Variants in WWOX observed in about 807,000 individuals in gnomAD.
The protein encoded by WWOX is WW domain-containing oxidoreductase.
Under a neutral mutation model 46.2 loss-of-function variants are expected in WWOX, and 69 were observed. That is an observed-to-expected ratio of 1.49 (90% CI 1.23 to 1.82). The LOEUF (loss-of-function observed/expected upper bound fraction) is 1.82. WWOX is among the 40% of genes most tolerant of loss of function. The pLI, the probability that WWOX is intolerant of heterozygous loss-of-function variation, is 0.00. For missense variants in WWOX, 919 were observed against 542.6 expected (o/e 1.69, Z -6.89); for synonymous variants, 359 against 202.6 (o/e 1.77, Z -6.56).
intron 8 of WWOX, among the ~76,000 whole-genome samples, chr16:78,813,034 C>T (rs1331219842): frequency 2.0e-5 from 3 of 150,316 alleles, no homozygotes; most frequent in South Asian, 2.1e-4. Flanking sequence ...CATGTAATTT[C>T]TTATTTCCGT....
chr16:78,206,769 C>A (rs372825036), intron 5 of WWOX, among the ~76,000 whole-genome samples: 4 of 152,100 alleles, frequency 2.6e-5, no homozygotes, highest in African/African-American at 9.7e-5. Context: ...TAATTATTAA[C>A]ATATTTTAGA....
At chr16:79,152,226 T>C (rs2050294300) in intron 8 of WWOX, among the ~76,000 whole-genome samples, 1 of 152,138 alleles carries the variant, frequency 6.6e-6, no homozygotes, top group Admixed American at 6.5e-5. Context: ...CGCTGACCCA[T>C]GCTGGCAGAA....
chr16:78,411,713 G>C (rs1284991844), intron 6 of WWOX, among the ~76,000 whole-genome samples: 1 of 152,162 alleles, frequency 6.6e-6, no homozygotes, highest in Non-Finnish European at 1.5e-5. Flanking sequence ...AGTCAAGTGG[G>C]AGAATGTAGA....
At chr16:79,145,986 G>A (rs2050176248) in intron 8 of WWOX, among the ~76,000 whole-genome samples, 1 of 152,000 alleles carries the variant, frequency 6.6e-6, no homozygotes, top group Admixed American at 6.6e-5. Flanking sequence ...GCTAAAAAGG[G>A]GGCAGTCAGC....
chr16:78,216,444 A>G (rs2151793456), intron 5 of WWOX, among the ~76,000 whole-genome samples: 1 of 152,276 alleles, frequency 6.6e-6, no homozygotes, highest in South Asian at 2.1e-4. Flanking sequence ...CAGTTCTGTA[A>G]GATAGAAGTC....
At chr16:78,205,689 A>G (rs114881870) in intron 5 of WWOX, among the ~76,000 whole-genome samples, 2 of 151,234 alleles carry the variant, frequency 1.3e-5, no homozygotes, top group South Asian at 2.1e-4. Flanking sequence ...ATACACATCC[A>G]TCTGTTCATT....
chr16:79,099,872 G>A (rs1401371502), intron 8 of WWOX, among the ~76,000 whole-genome samples: 1 of 152,170 alleles, frequency 6.6e-6, no homozygotes, highest in African/African-American at 2.4e-5. Flanking sequence ...CAGATTTATT[G>A]CAAGGAGTTG....
chr16:78,789,132 G>A (rs2142583947), intron 8 of WWOX, among the ~76,000 whole-genome samples: 1 of 152,096 alleles, frequency 6.6e-6, no homozygotes, highest in Non-Finnish European at 1.5e-5. Flanking sequence ...TTACCTCTGT[G>A]GTGTCACCCC....
At chr16:78,692,811 T>A (rs1214161664) in intron 8 of WWOX, among the ~76,000 whole-genome samples, 1 of 152,238 alleles carries the variant, frequency 6.6e-6, no homozygotes, top group Non-Finnish European at 1.5e-5. Flanking sequence ...TTGAAGTCAT[T>A]GGAAACCAAG....
chr16:78,197,665 C>G (rs936435498), intron 5 of WWOX, among the ~76,000 whole-genome samples: 3 of 152,168 alleles, frequency 2.0e-5, no homozygotes, highest in Non-Finnish European at 4.4e-5. Context: ...TACTTCACGT[C>G]TTTATTGCAT....
At chr16:78,991,854 TG>T (rs1160941463) in intron 8 of WWOX, among the ~76,000 whole-genome samples, 1 of 152,192 alleles carries the variant, frequency 6.6e-6, no homozygotes, top group Non-Finnish European at 1.5e-5. Flanking sequence ...TTCAGACTCC[TG>T]TCCATGTGGG....
At chr16:78,121,072 C>T (rs2033070551) in intron 4 of WWOX, among the ~76,000 whole-genome samples, 2 of 152,096 alleles carry the variant, frequency 1.3e-5, no homozygotes. Context: ...AAAACACACT[C>T]ATATGAGATC....
intron 8 of WWOX, among the ~76,000 whole-genome samples, chr16:78,925,007 C>T (rs2045465748): frequency 6.6e-6 from 1 of 152,028 alleles, no homozygotes; most frequent in African/African-American, 2.4e-5. Context: ...CCAGCCTGGG[C>T]AACATGGCAA....
chr16:78,491,626 C>A (rs1188731528), intron 8 of WWOX, among the ~76,000 whole-genome samples: 4 of 152,088 alleles, frequency 2.6e-5, no homozygotes, highest in African/African-American at 7.2e-5. Flanking sequence ...CCACACCTGG[C>A]TACCGTGTCT....
At chr16:78,877,663 A>C (rs1008044788) in intron 8 of WWOX, among the ~76,000 whole-genome samples, 1 of 152,156 alleles carries the variant, frequency 6.6e-6, no homozygotes, top group African/African-American at 2.4e-5. Context: ...TTATTCTCCT[A>C]TTCTCTAGAA....
chr16:78,841,063 G>A (rs541108801), intron 8 of WWOX, among the ~76,000 whole-genome samples: 32 of 152,128 alleles, frequency 2.1e-4, no homozygotes, highest in African/African-American at 5.3e-4. Context: ...CCCTCGTCCC[G>A]GTAACATACA....
chr16:78,231,542 A>T (rs2037261775), intron 5 of WWOX, among the ~76,000 whole-genome samples: 1 of 152,194 alleles, frequency 6.6e-6, no homozygotes, highest in Non-Finnish European at 1.5e-5. Context: ...CTGTTCAATA[A>T]ACTCCTCTGC....
At chr16:79,186,367 C>G (rs945982519) in intron 8 of WWOX, among the ~76,000 whole-genome samples, 6 of 152,214 alleles carry the variant, frequency 3.9e-5, no homozygotes, top group African/African-American at 1.4e-4. Flanking sequence ...CCTTGCTCCT[C>G]TCGCTTCCGG....
chr16:79,029,019 T>C (rs1228670680), intron 8 of WWOX, among the ~76,000 whole-genome samples: 2 of 151,954 alleles, frequency 1.3e-5, no homozygotes, highest in Admixed American at 6.6e-5. Context: ...ACAATACAAA[T>C]TATATTTGAG....
Sources: gnomAD v4.1 joint callset for allele counts (sites outside exome capture counted in the v4.1 genomes callset) on GRCh38, gnomAD v4.1.1 for gene constraint, MANE v1.5 for transcripts, NCBI Gene and HGNC (gene_info 2026-07-23, HGNC 2026-07-21) for gene names.